STK32C: variants seen among roughly 807,000 people sequenced by gnomAD.
STK32C encodes the protein serine/threonine-protein kinase 32C.
Under a neutral mutation model 56.5 loss-of-function variants are expected in STK32C, and 31 were observed. The ratio of observed to expected loss-of-function variants is 0.55; its 90% CI spans 0.41 to 0.74. The LOEUF (loss-of-function observed/expected upper bound fraction) is 0.74. Ranked by LOEUF, STK32C falls within the 30% of genes least tolerant of loss-of-function variation. The probability of loss-of-function intolerance (pLI) is 0.00; values close to 1 mark genes in which losing one functional copy is unlikely to be tolerated. For missense variants in STK32C, 544 were observed against 676.9 expected (o/e 0.80, Z 2.18); for synonymous variants, 309 against 289.4 (o/e 1.07, Z -0.69).
At chr10:132,288,237 T>C (rs2065468227) in intron 1 of STK32C, among the ~76,000 whole-genome samples, 1 of 152,168 alleles carries the variant, frequency 6.6e-6, no homozygotes, top group Non-Finnish European at 1.5e-5. Flanking sequence ...AATTAACAGC[T>C]ATAAAACTTC....
At chr10:132,284,558 C>A (rs1040027511) in intron 1 of STK32C, among the ~76,000 whole-genome samples, 1 of 152,152 alleles carries the variant, frequency 6.6e-6, no homozygotes, top group Non-Finnish European at 1.5e-5. Context: ...GCATCGACTG[C>A]ATGGGCCTTT....
intron 10 of STK32C, among the ~76,000 whole-genome samples, chr10:132,219,073 T>C (rs1460493432): frequency 6.6e-6 from 1 of 152,162 alleles, no homozygotes; most frequent in African/African-American, 2.4e-5. Context: ...TGACTGCTAA[T>C]AGGTGGGGTC....
intron 10 of STK32C, among the ~76,000 whole-genome samples, chr10:132,213,811 T>C (rs76915437): frequency 0.019 from 2,915 of 152,102 alleles, 96 homozygotes; most frequent in African/African-American, 0.065. Flanking sequence ...AGTAGAGAGA[T>C]GGAAACTCCA....
intron 1 of STK32C, among the ~76,000 whole-genome samples, chr10:132,316,573 C>T (rs1025359320): frequency 1.3e-5 from 2 of 152,094 alleles, no homozygotes; most frequent in East Asian, 1.9e-4. Flanking sequence ...GAACCATGGT[C>T]GTACCACTGC....
chr10:132,284,501 C>T (rs1471381682), intron 1 of STK32C, among the ~76,000 whole-genome samples: 5 of 151,868 alleles, frequency 3.3e-5, no homozygotes, highest in Non-Finnish European at 1.5e-5. Flanking sequence ...ACCCATGAGG[C>T]TCCACAGGGA....
intron 1 of STK32C, among the ~76,000 whole-genome samples, chr10:132,295,314 G>A (rs2065704213): frequency 6.6e-6 from 1 of 152,184 alleles, no homozygotes; most frequent in African/African-American, 2.4e-5. Flanking sequence ...TTCTAGGGCT[G>A]GGTAAGGAAA....
chr10:132,267,352 G>A (rs893801964), intron 1 of STK32C, among the ~76,000 whole-genome samples: 2 of 152,012 alleles, frequency 1.3e-5, no homozygotes, highest in African/African-American at 4.8e-5. Context: ...TGTGCCTGTG[G>A]GTGTAGCTCT....
intron 2 of STK32C, among the ~76,000 whole-genome samples, chr10:132,229,984 C>T (rs2137752640): frequency 6.6e-6 from 1 of 152,308 alleles, no homozygotes; most frequent in South Asian, 2.1e-4. Context: ...GAGGGGAAAG[C>T]TGAGCCTGAA....
chr10:132,295,560 A>G (rs1270892076), intron 1 of STK32C, among the ~76,000 whole-genome samples: 2 of 151,988 alleles, frequency 1.3e-5, no homozygotes, highest in South Asian at 2.1e-4. Context: ...ACGGGGTAAC[A>G]GAATTAACGC....
chr10:132,317,223 C>A lies in STK32C; in HGVS notation c.301+14213G>T, dbSNP rs115826838. The stretch of plus-strand genomic sequence containing the variant: ...TATATGAGAACAATAAACCTAGACC[C>A]TTACATAAATAACTCAAACTGAATC... On this transcript the variant is annotated intron_variant, in intron 1 of 3. Coordinates refer to the STK32C transcript ENST00000368620. 3.2e-3 allele frequency among the ~76,000 whole-genome samples: 488 copies of A among 152,176 alleles called. 5 individuals carry two copies. The highest frequency in any genetic ancestry group is 0.011 in the African/African-American group (467 of 41,502).
chr10:132,254,296 C>G (rs929762262), intron 1 of STK32C, among the ~76,000 whole-genome samples: 1 of 151,916 alleles, frequency 6.6e-6, no homozygotes, highest in South Asian at 2.1e-4. Context: ...GCAAAAAGGG[C>G]GAAACTCCAT....
At chr10:132,331,941 C>T (rs1425778781), upstream of STK32C, 14 of 587,510 alleles carry the variant, frequency 2.4e-5, no homozygotes, top group Non-Finnish European at 3.6e-5. Context: ...GCGCAACCCC[C>T]CGCCCCAGCG....
chr10:132,288,499 G>T (rs80283937), intron 1 of STK32C, among the ~76,000 whole-genome samples: 11 of 152,208 alleles, frequency 7.2e-5, no homozygotes, highest in African/African-American at 2.7e-4. Flanking sequence ...GGTCAAGGGC[G>T]AGCTTTCTGA....
chr10:132,274,647 G>C (rs1044696834), intron 1 of STK32C, among the ~76,000 whole-genome samples: 1 of 152,206 alleles, frequency 6.6e-6, no homozygotes, highest in Admixed American at 6.5e-5. Context: ...GGATCCTCAG[G>C]CTGCACTGGT....
At chr10:132,295,509 C>T (rs566210555) in intron 1 of STK32C, among the ~76,000 whole-genome samples, 31 of 152,332 alleles carry the variant, frequency 2.0e-4, no homozygotes, top group Non-Finnish European at 3.4e-4. Flanking sequence ...TTACAACCAG[C>T]GTGTAAAATC....
At position 132,241,775 on chromosome 10, in the gene STK32C, C is replaced by T. The variant is rs60429479; in HGVS notation, c.318+4125G>A. ...AGGCCTGCACCCTCGACGGGCTGTCCACAAGCAGCTCCAGACCTCAAGCCC... is the reference window on the plus strand; with the variant it reads ...AGGCCTGCACCCTCGACGGGCTGTCTACAAGCAGCTCCAGACCTCAAGCCC... On this transcript the variant is annotated intron_variant, in intron 2 of 11. Coordinates refer to ENST00000298630, the MANE Select transcript of STK32C (RefSeq NM_173575.4). 8.4e-3 allele frequency among the ~76,000 whole-genome samples: 1,279 copies of T among 152,272 alleles called. 13 individuals are homozygous for T. The highest frequency in any genetic ancestry group is 0.028 in the African/African-American group (1,175 of 41,546).
At chr10:132,247,437 C>T (rs151006507) in intron 1 of STK32C, among the ~76,000 whole-genome samples, 151 of 152,320 alleles carry the variant, frequency 9.9e-4, no homozygotes, top group African/African-American at 3.3e-3. Context: ...GCCTGAGCTA[C>T]GGGTGCCGTG....
At chr10:132,254,654 AATCAGCACTAT>A (rs2064041115) in intron 1 of STK32C, among the ~76,000 whole-genome samples, 1 of 52,146 alleles carries the variant, frequency 1.9e-5, no homozygotes, top group South Asian at 7.2e-4. Context: ...GGGCGCCGGG[AATCAGCACTAT>A]GTCACCCCGG....
At chr10:132,293,017 C>A (rs926015533) in intron 1 of STK32C, among the ~76,000 whole-genome samples, 1 of 152,198 alleles carries the variant, frequency 6.6e-6, no homozygotes, top group South Asian at 2.1e-4. Flanking sequence ...ACCTGCCCCA[C>A]GCAACGTGCA....
Sources: gnomAD v4.1 joint callset for allele counts (sites outside exome capture counted in the v4.1 genomes callset) on GRCh38, gnomAD v4.1.1 for gene constraint, MANE v1.5 for transcripts, NCBI Gene and HGNC (gene_info 2026-07-23, HGNC 2026-07-21) for gene names.